MAN1A2: variants seen among roughly 807,000 people sequenced by gnomAD.
MAN1A2 encodes the protein mannosidase alpha class 1A member 2.
Under a neutral mutation model 75.7 loss-of-function variants are expected in MAN1A2, and 26 were observed. That is an observed-to-expected ratio of 0.34 (90% confidence interval 0.25 to 0.48). The LOEUF (loss-of-function observed/expected upper bound fraction) is 0.48, where lower values mean the gene tolerates loss of function less well. Among genes scored for constraint, MAN1A2 ranks in the 20% least tolerant of loss-of-function variants. MAN1A2 has a pLI of 0.99. For missense variants in MAN1A2, 562 were observed against 775.5 expected (o/e 0.72, Z 3.27); for synonymous variants, 247 against 264.6 (o/e 0.93, Z 0.65).
Position 117,433,029 on chromosome 1 carries a change from A to G in MAN1A2, c.856-9202A>G, listed in dbSNP as rs536138434. ...AGTTAAAGATTTGAAAAAGCAGTTA[A>G]TGTAATTAATCATATTAATTAACAA... On this transcript the variant is annotated intron_variant, in intron 5 of 12. Transcript: ENST00000356554. Among the ~76,000 whole-genome samples, 32 of 151,352 alleles carry G rather than the reference A, an allele frequency of 2.1e-4. 1 individual carries two copies. In the South Asian group the frequency reaches 6.7e-3, roughly 32 times the overall value.
chr1:117,450,799 G>C (rs1387109208), intron 6 of MAN1A2, among the ~76,000 whole-genome samples: 3 of 152,184 alleles, frequency 2.0e-5, no homozygotes, highest in Admixed American at 6.5e-5. Context: ...GTCAAGAATT[G>C]GGGTTTGGGA....
chr1:117,397,682 C>CTTTTTTTT (rs1647227838), intron 1 of MAN1A2, among the ~76,000 whole-genome samples: 3 of 109,298 alleles, frequency 2.7e-5, no homozygotes, highest in African/African-American at 1.0e-4. Context: ...CGTAGTTTCG[C>CTTTTTTTT]TTTTGTTGGC....
intron 12 of MAN1A2, among the ~76,000 whole-genome samples, chr1:117,521,666 C>T (rs1348114619): frequency 6.6e-6 from 1 of 151,940 alleles, no homozygotes; most frequent in Non-Finnish European, 1.5e-5. Context: ...CCAGCAATCC[C>T]ACTAGTGGGT....
At chr1:117,396,232 T>C (rs1021319232) in intron 1 of MAN1A2, among the ~76,000 whole-genome samples, 2 of 152,184 alleles carry the variant, frequency 1.3e-5, no homozygotes, top group Admixed American at 1.3e-4. Flanking sequence ...TTAAAACTAT[T>C]AGTTGTGGCC....
At chr1:117,407,105 A>G (rs1647641017) in intron 3 of MAN1A2, among the ~76,000 whole-genome samples, 1 of 149,862 alleles carries the variant, frequency 6.7e-6, no homozygotes, top group South Asian at 2.1e-4. Flanking sequence ...TTATAGTGAA[A>G]TGGTAGAAAA....
At chr1:117,473,120 T>TA (rs1187502208) in intron 8 of MAN1A2, among the ~76,000 whole-genome samples, 1 of 152,038 alleles carries the variant, frequency 6.6e-6, no homozygotes, top group African/African-American at 2.4e-5. Context: ...TGAAACTTAA[T>TA]ATATCTGTAA....
intron 1 of MAN1A2, among the ~76,000 whole-genome samples, chr1:117,377,306 A>G (rs1653181457): frequency 6.6e-6 from 1 of 152,198 alleles, no homozygotes; most frequent in Non-Finnish European, 1.5e-5. Context: ...TCTACATAAA[A>G]AGATTGGTAA....
intron 4 of MAN1A2, among the ~76,000 whole-genome samples, chr1:117,419,946 C>T (rs1316695968): frequency 6.6e-6 from 1 of 151,854 alleles, no homozygotes. Context: ...TATATATTGC[C>T]ACACTTCTAC....
intron 12 of MAN1A2, 41 bp from the exon 13 acceptor site, chr1:117,522,784 G>T: frequency 1.9e-6 from 3 of 1,590,258 alleles, no homozygotes; most frequent in South Asian, 2.2e-5. Flanking sequence ...TGTTCTTGTT[G>T]AATTCTAACT....
intron 8 of MAN1A2, among the ~76,000 whole-genome samples, chr1:117,491,136 A>G (rs1650871536): frequency 6.6e-6 from 1 of 152,068 alleles, no homozygotes; most frequent in Non-Finnish European, 1.5e-5. Flanking sequence ...AACTAAGTTA[A>G]TTGATGAAGG....
chr1:117,517,701 C>T (rs1651752605), intron 12 of MAN1A2, among the ~76,000 whole-genome samples: 1 of 152,070 alleles, frequency 6.6e-6, no homozygotes, highest in African/African-American at 2.4e-5. Context: ...AAGAAGAGAA[C>T]ACAAGAAGGT....
chr1:117,461,531 A>G (rs1257350640), intron 7 of MAN1A2, among the ~76,000 whole-genome samples: 1 of 152,160 alleles, frequency 6.6e-6, no homozygotes, highest in Admixed American at 6.6e-5. Flanking sequence ...GTATATTTCA[A>G]AATAGCTAGA....
intron 6 of MAN1A2, among the ~76,000 whole-genome samples, chr1:117,459,401 A>C (rs1649738851): frequency 6.6e-6 from 1 of 152,176 alleles, no homozygotes; most frequent in African/African-American, 2.4e-5. Context: ...TAACAGCCAC[A>C]TGCTAGTGGG....
chr1:117,458,506 T>TATAG (rs1553236614), intron 6 of MAN1A2, among the ~76,000 whole-genome samples: 1,987 of 100,784 alleles, frequency 0.02, 70 homozygotes, highest in African/African-American at 0.069. Flanking sequence ...TCTATATATA[T>TATAG]ATATAGATAT....
chr1:117,506,001 CTT>C (rs1441575519), intron 12 of MAN1A2, among the ~76,000 whole-genome samples: 2 of 151,370 alleles, frequency 1.3e-5, no homozygotes, highest in Admixed American at 6.6e-5. Context: ...CTGATTTACT[CTT>C]TATAAAAACT....
At chr1:117,447,115 T>C (rs1408885438) in intron 6 of MAN1A2, among the ~76,000 whole-genome samples, 1 of 152,114 alleles carries the variant, frequency 6.6e-6, no homozygotes, top group Non-Finnish European at 1.5e-5. Context: ...TCTCTTTTTT[T>C]CCATTTATTT....
At chr1:117,383,647 C>G (rs1653425911) in intron 1 of MAN1A2, among the ~76,000 whole-genome samples, 1 of 152,050 alleles carries the variant, frequency 6.6e-6, no homozygotes, top group African/African-American at 2.4e-5. Context: ...GATTCAGATT[C>G]TCTTCTTGAG....
intron 4 of MAN1A2, among the ~76,000 whole-genome samples, chr1:117,418,205 T>C (rs761472677): frequency 6.6e-6 from 1 of 152,204 alleles, no homozygotes; most frequent in African/African-American, 2.4e-5. Context: ...GGCACTGTTC[T>C]AGATTCTGTG....
At chr1:117,477,006 G>A (rs930298710) in intron 8 of MAN1A2, among the ~76,000 whole-genome samples, 1 of 151,852 alleles carries the variant, frequency 6.6e-6, no homozygotes, top group African/African-American at 2.4e-5. Context: ...AATGTTTTTC[G>A]ATTTGTTCGT....
Sources: allele counts gnomAD v4.1 joint callset (sites outside exome capture counted in the v4.1 genomes callset), GRCh38; gene constraint gnomAD v4.1.1; transcripts MANE v1.5; gene names NCBI Gene and HGNC (gene_info 2026-07-23, HGNC 2026-07-21).